TCF12: variants seen among roughly 807,000 people sequenced by gnomAD.
TCF12 encodes DNA-binding protein HTF4.
Under a neutral mutation model 86.0 loss-of-function variants are expected in TCF12, and 45 were observed. That is an observed-to-expected ratio of 0.52 (90% CI 0.41 to 0.67). TCF12 has a LOEUF of 0.67. Among genes scored for constraint, TCF12 ranks in the 30% least tolerant of loss-of-function variants. TCF12 has a pLI of 0.00. For synonymous variants in TCF12, 330 were observed against 299.6 expected (o/e 1.10, Z -1.05); for missense variants, 881 against 859.9 (o/e 1.02, Z -0.31).
chr15:57,080,938 C>A (rs796333694), intron 4 of TCF12, among the ~76,000 whole-genome samples: 1 of 152,120 alleles, frequency 6.6e-6, no homozygotes, highest in South Asian at 2.1e-4. Flanking sequence ...ACTACTGTAC[C>A]TATTCCCACC....
chr15:56,972,204 A>G (rs892833630), intron 3 of TCF12, among the ~76,000 whole-genome samples: 2 of 152,216 alleles, frequency 1.3e-5, no homozygotes, highest in African/African-American at 4.8e-5. Context: ...TGAGAATGCT[A>G]ATTAGTACAG....
intron 4 of TCF12, among the ~76,000 whole-genome samples, chr15:57,074,496 A>AGTTT (rs547100016): frequency 2.6e-5 from 4 of 152,030 alleles, no homozygotes; most frequent in Admixed American, 6.6e-5. Flanking sequence ...CCCAACAAGA[A>AGTTT]GTTTGTTTGT....
intron 12 of TCF12, among the ~76,000 whole-genome samples, chr15:57,238,162 A>T (rs2059456574): frequency 6.6e-6 from 1 of 152,146 alleles, no homozygotes; most frequent in South Asian, 2.1e-4. Context: ...ATATATTTTT[A>T]TACTTGATAT....
chr15:57,261,857 T>C (rs1597722373), intron 16 of TCF12, among the ~76,000 whole-genome samples: 3 of 152,242 alleles, frequency 2.0e-5, no homozygotes, highest in Middle Eastern at 3.4e-3. Flanking sequence ...ATTTACAAAT[T>C]AGAAGTTTCA....
At chr15:57,007,651 T>A (rs1219198444) in intron 3 of TCF12, among the ~76,000 whole-genome samples, 1 of 1,100 alleles carries the variant, frequency 9.1e-4, no homozygotes, top group African/African-American at 9.8e-4. Context: ...TTCCAGTGAT[T>A]TTTTTGTATA....
At chr15:56,980,692 A>C (rs1273418363) in intron 3 of TCF12, among the ~76,000 whole-genome samples, 1 of 152,212 alleles carries the variant, frequency 6.6e-6, no homozygotes, top group Admixed American at 6.5e-5. Context: ...TGTGACAGCC[A>C]GATCAGTTGT....
chr15:57,075,803 T>TC (rs368550416), intron 4 of TCF12, among the ~76,000 whole-genome samples: 2,039 of 68,780 alleles, frequency 0.03, 26 homozygotes, highest in Non-Finnish European at 0.036. Context: ...TCTTTCTTTC[T>TC]TTCTCTCTCT....
intron 7 of TCF12, among the ~76,000 whole-genome samples, chr15:57,195,234 A>G (rs2057197221): frequency 6.6e-6 from 1 of 152,202 alleles, no homozygotes; most frequent in Admixed American, 6.5e-5. Context: ...GCAACTTCCC[A>G]GAAGTGGTCG....
intron 3 of TCF12, among the ~76,000 whole-genome samples, chr15:57,030,010 G>A (rs1250086999): frequency 1.3e-5 from 2 of 152,116 alleles, no homozygotes; most frequent in African/African-American, 4.8e-5. Flanking sequence ...AGTTTTTGGA[G>A]ATAAGAGTAG....
chr15:57,275,400 T>C (rs2061358983), intron 19 of TCF12, among the ~76,000 whole-genome samples: 1 of 146,886 alleles, frequency 6.8e-6, no homozygotes, highest in Non-Finnish European at 1.5e-5. Context: ...TTGCCCAGGC[T>C]GGTCTTGAAA....
At chr15:57,094,059 T>A (rs1035740630) in intron 5 of TCF12, among the ~76,000 whole-genome samples, 2 of 152,088 alleles carry the variant, frequency 1.3e-5, no homozygotes, top group South Asian at 4.2e-4. Context: ...ATTTTTTAAT[T>A]TTTAGTTTTG....
intron 8 of TCF12, among the ~76,000 whole-genome samples, chr15:57,225,220 CTTTTTTTTTTTTTTTT>C (rs139530756): frequency 2.5e-5 from 1 of 39,762 alleles, no homozygotes; most frequent in African/African-American, 1.0e-4. Context: ...CTGATATATG[CTTTTTTTTTTTTTTTT>C]TTTTTTTTTT....
intron 3 of TCF12, among the ~76,000 whole-genome samples, chr15:57,049,410 A>G (rs576654292): frequency 4.6e-5 from 7 of 152,240 alleles, no homozygotes; most frequent in African/African-American, 1.7e-4. Flanking sequence ...CATTGTTTTG[A>G]TTTCTGTCAC....
At chr15:57,099,219 C>T (rs2049552446) in intron 5 of TCF12, among the ~76,000 whole-genome samples, 1 of 152,150 alleles carries the variant, frequency 6.6e-6, no homozygotes, top group South Asian at 2.1e-4. Flanking sequence ...GATAGCCATT[C>T]TCTGAAGCTG....
chr15:57,213,138 C>T (rs961779228), intron 8 of TCF12, among the ~76,000 whole-genome samples: 6 of 152,212 alleles, frequency 3.9e-5, no homozygotes, highest in Admixed American at 2.6e-4. Context: ...GCTTGTTTTG[C>T]GTTGTTCTTT....
chr15:57,229,106 G>A (rs998728584), intron 8 of TCF12, among the ~76,000 whole-genome samples: 11 of 151,920 alleles, frequency 7.2e-5, no homozygotes, highest in African/African-American at 2.7e-4. Context: ...TGTTGTTCAT[G>A]GTTTAGCTTG....
chr15:57,255,464 A>G (rs2060304521), intron 16 of TCF12, among the ~76,000 whole-genome samples: 1 of 151,984 alleles, frequency 6.6e-6, no homozygotes, highest in Admixed American at 6.6e-5. Flanking sequence ...TGCCAGAGGT[A>G]TTTTTTTGTT....
In TCF12 at chr15:57,253,434, C is replaced by T; in HGVS notation, c.1433C>T (p.Ser478Leu). The T allele has an allele frequency of 6.2e-7, 1 of 1,614,062 alleles. No individual in the cohort carries two copies. Among genetic ancestry groups the T allele is most frequent in the East Asian group, 2.2e-5 (1 of 44,870 alleles). Residue 478 changes from serine to leucine, a missense_variant, in exon 16 of 21, where the codon TCA (serine) becomes TTA (leucine). Transcript: ENST00000333725. ...IGSLNSNYGG[S>L]SLVASSRSAS... is the part of the protein sequence containing the mutation. ...AGCCTCAATTCAAACTATGGAGGAT[C>T]AAGCCTTGTTGCAAGCAGTCGATCA...
At chr15:57,190,573 C>G (rs1383010018) in intron 6 of TCF12, among the ~76,000 whole-genome samples, 2 of 152,086 alleles carry the variant, frequency 1.3e-5, no homozygotes, top group Admixed American at 1.3e-4. Flanking sequence ...TTGAGGTCTT[C>G]TTTCCCTCTC....
Sources: allele counts gnomAD v4.1 joint callset (sites outside exome capture counted in the v4.1 genomes callset), GRCh38; gene constraint gnomAD v4.1.1; transcripts MANE v1.5; gene names NCBI Gene and HGNC (gene_info 2026-07-23, HGNC 2026-07-21).